The following LIN7A variants were observed in gnomAD, a reference collection of about 807,000 sequenced individuals.
LIN7A encodes lin-7 cell polarity scaffold A.
In LIN7A, 25 loss-of-function variants were observed where a neutral mutation model predicts 29.8. The ratio of observed to expected loss-of-function variants is 0.84; its 90% CI spans 0.61 to 1.17. The LOEUF is 1.17. LIN7A is among the 50% of genes most tolerant of loss of function. LIN7A has a pLI of 0.00. For missense variants in LIN7A, 239 were observed against 287.0 expected (o/e 0.83, Z 1.21); for synonymous variants, 118 against 107.5 (o/e 1.10, Z -0.60).
chr12:80,839,909 C>A (rs542939166), intron 4 of LIN7A, among the ~76,000 whole-genome samples: 2 of 152,164 alleles, frequency 1.3e-5, no homozygotes, highest in African/African-American at 4.8e-5. Context: ...ACTGTATAGA[C>A]AATTTTATTT....
chr12:80,915,530 C>T (rs569920811), intron 1 of LIN7A, among the ~76,000 whole-genome samples: 1 of 152,270 alleles, frequency 6.6e-6, no homozygotes, highest in South Asian at 2.1e-4. Context: ...GGGTATATAT[C>T]CAAGAGAAAA....
intron 1 of LIN7A, among the ~76,000 whole-genome samples, chr12:80,908,533 G>C (rs1403036752): frequency 6.6e-6 from 1 of 152,022 alleles, no homozygotes; most frequent in Non-Finnish European, 1.5e-5. Context: ...TTACTGGAGA[G>C]AGATGACTTA....
chr12:80,864,853 C>T (rs1874059356), intron 2 of LIN7A, among the ~76,000 whole-genome samples: 1 of 152,068 alleles, frequency 6.6e-6, no homozygotes, highest in Admixed American at 6.6e-5. Context: ...AAAAATCTGC[C>T]TTTGTACTTC....
chr12:80,862,543 T>C (rs1008782746), intron 2 of LIN7A, among the ~76,000 whole-genome samples: 1 of 152,194 alleles, frequency 6.6e-6, no homozygotes, highest in African/African-American at 2.4e-5. Flanking sequence ...TATTGTTGAT[T>C]TGCTAACATT....
chr12:80,879,645 C>CAAAA (rs530877505), intron 2 of LIN7A, among the ~76,000 whole-genome samples: 998 of 58,652 alleles, frequency 0.017, 186 homozygotes, highest in Middle Eastern at 0.058. Context: ...TGGAGCAGCC[C>CAAAA]AAAAAAAAAA....
chr12:80,860,729 G>A (rs1011339197), intron 2 of LIN7A, among the ~76,000 whole-genome samples: 9 of 152,158 alleles, frequency 5.9e-5, no homozygotes, highest in Non-Finnish European at 1.2e-4. Context: ...GTTTTCAGGC[G>A]TTCATGCCTG....
intron 1 of LIN7A, among the ~76,000 whole-genome samples, chr12:80,928,034 AAC>A (rs1301118423): frequency 6.6e-6 from 1 of 152,182 alleles, no homozygotes; most frequent in African/African-American, 2.4e-5. Flanking sequence ...AAAGGACATC[AAC>A]TCATCCTTTT....
Position 80,914,079 on chromosome 12 carries a change from A to G in LIN7A, c.82+23562T>C, listed in dbSNP as rs151079838. ...GACTTTTTTCCTTTTCCTCATTTTC[A>G]CCTCATATTAGTCAATAAAGCATGC... On this transcript the variant is annotated intron_variant, in intron 1 of 5. Transcript: ENST00000552864. Among the ~76,000 whole-genome samples, 534 of 151,904 alleles carry G rather than the reference A, an allele frequency of 3.5e-3. 8 individuals carry two copies. Among genetic ancestry groups the G allele is most frequent in the African/African-American group, 0.012 (512 of 41,436 alleles).
intron 4 of LIN7A, among the ~76,000 whole-genome samples, chr12:80,814,567 C>T (rs1018770523): frequency 3.3e-5 from 5 of 151,772 alleles, no homozygotes; most frequent in African/African-American, 4.8e-5. Context: ...ACTGTGTCTG[C>T]GATTCAGTTG....
chr12:80,904,226 T>G (rs1385254071), intron 1 of LIN7A, among the ~76,000 whole-genome samples: 2 of 152,180 alleles, frequency 1.3e-5, no homozygotes, highest in African/African-American at 2.4e-5. Context: ...CGTGATGTTA[T>G]GAAACATGCA....
chr12:80,836,474 T>C (rs750386403), intron 4 of LIN7A, among the ~76,000 whole-genome samples: 13 of 152,022 alleles, frequency 8.6e-5, no homozygotes, highest in Non-Finnish European at 1.8e-4. Flanking sequence ...TTGGGCAACA[T>C]AGTGAAAGCC....
chr12:80,811,715 G>A, intron 4 of LIN7A, 32 bp from the exon 5 acceptor site: 1 of 1,581,026 alleles, frequency 6.3e-7, no homozygotes, highest in Non-Finnish European at 8.7e-7. Flanking sequence ...TTAAAGGGAG[G>A]AGGTTCAATG....
intron 5 of LIN7A, among the ~76,000 whole-genome samples, chr12:80,801,613 T>G (rs2121486037): frequency 6.6e-6 from 1 of 152,358 alleles, no homozygotes; most frequent in African/African-American, 2.4e-5. Flanking sequence ...TTTTGATATG[T>G]TTAAAATGTG....
intron 5 of LIN7A, among the ~76,000 whole-genome samples, chr12:80,809,255 T>G (rs1245473398): frequency 6.6e-6 from 1 of 152,216 alleles, no homozygotes; most frequent in East Asian, 1.9e-4. Context: ...CATGAGACAC[T>G]GCTCCCAGCC....
rs187046696 is a variant in LIN7A, at chr12:80,852,492, A to G, written c.202-4170T>C. 5.7e-4 allele frequency among the ~76,000 whole-genome samples: 87 copies of G among 152,290 alleles called. 1 individual carries two copies. Among genetic ancestry groups the G allele is most frequent in the African/African-American group, 1.9e-3 (78 of 41,572 alleles). On this transcript the variant is annotated intron_variant, in intron 2 of 5. Coordinates refer to ENST00000552864, the MANE Select transcript of LIN7A (RefSeq NM_004664.4). ...TCTATTATGTAAAAGCCTATATTCA[A>G]AGAGGCAATCAAAGAAGATAAAGTA...
chr12:80,834,079 G>A (rs1466803790), intron 4 of LIN7A, among the ~76,000 whole-genome samples: 2 of 152,074 alleles, frequency 1.3e-5, no homozygotes, highest in Non-Finnish European at 2.9e-5. Flanking sequence ...GACTTTCAGA[G>A]GTAGAAGCTC....
chr12:80,934,397 G>A (rs1878091948), intron 1 of LIN7A, among the ~76,000 whole-genome samples: 1 of 152,106 alleles, frequency 6.6e-6, no homozygotes, highest in African/African-American at 2.4e-5. Context: ...CTTAATGGCA[G>A]ATCAAAAAGA....
intron 4 of LIN7A, chr12:80,832,447 C>A (rs1315135069): frequency 4.6e-6 from 2 of 437,318 alleles, no homozygotes; most frequent in Non-Finnish European, 9.2e-6. Flanking sequence ...CTTTGTCATC[C>A]ATGGTAATTG....
intron 2 of LIN7A, among the ~76,000 whole-genome samples, chr12:80,869,148 A>AT (rs1491094123): frequency 9.5e-4 from 113 of 119,228 alleles, no homozygotes; most frequent in African/African-American, 4.8e-3. Context: ...ATAAATAAAT[A>AT]AATATATATA....
Sources: gnomAD v4.1 joint callset for allele counts (sites outside exome capture counted in the v4.1 genomes callset) on GRCh38, gnomAD v4.1.1 for gene constraint, MANE v1.5 for transcripts, NCBI Gene and HGNC (gene_info 2026-07-23, HGNC 2026-07-21) for gene names.